Variants in TOX2 observed in about 807,000 individuals in gnomAD.
TOX2 encodes TOX high mobility group box family member 2, also known as granulosa cell HMG box 1.
Under a neutral mutation model 47.4 loss-of-function variants are expected in TOX2, and 15 were observed. That is an observed-to-expected ratio of 0.32 (90% CI 0.21 to 0.49). TOX2 has a LOEUF of 0.49. Ranked by LOEUF, TOX2 falls within the 20% of genes least tolerant of loss-of-function variation. TOX2 has a pLI of 0.99. For synonymous variants in TOX2, 290 were observed against 296.6 expected (o/e 0.98, Z 0.23); for missense variants, 622 against 673.1 (o/e 0.92, Z 0.84).
chr20:43,939,352 G>A (rs2069371984), intron 1 of TOX2, among the ~76,000 whole-genome samples: 1 of 152,198 alleles, frequency 6.6e-6, no homozygotes, highest in Admixed American at 6.5e-5. Context: ...ATTGGGACTG[G>A]AGGAGTTGAG....
chr20:43,966,791 C>T (rs888332777), intron 1 of TOX2, among the ~76,000 whole-genome samples: 9 of 151,730 alleles, frequency 5.9e-5, no homozygotes, highest in Admixed American at 3.3e-4. Context: ...TGGAGGCTCC[C>T]ACTATGCTGA....
At chr20:44,026,012 GTCCT>G (rs2071055895) in intron 3 of TOX2, among the ~76,000 whole-genome samples, 1 of 151,880 alleles carries the variant, frequency 6.6e-6, no homozygotes, top group Admixed American at 6.6e-5. Flanking sequence ...TGGCCATGGA[GTCCT>G]GGGTAGGGGG....
chr20:43,924,189 C>T (rs958123431), intron 1 of TOX2, among the ~76,000 whole-genome samples: 52 of 152,236 alleles, frequency 3.4e-4, no homozygotes, highest in African/African-American at 1.1e-3. Flanking sequence ...GGGAGATTTC[C>T]CAGGAAATCA....
chr20:44,023,254 C>A (rs2071003164), intron 3 of TOX2, among the ~76,000 whole-genome samples: 1 of 151,846 alleles, frequency 6.6e-6, no homozygotes, highest in South Asian at 2.1e-4. Flanking sequence ...CATGGTGAAA[C>A]CCTGCCTCTA....
At chr20:44,034,981 A>G (rs1238963896) in intron 3 of TOX2, among the ~76,000 whole-genome samples, 1 of 152,022 alleles carries the variant, frequency 6.6e-6, no homozygotes, top group Non-Finnish European at 1.5e-5. Flanking sequence ...CCTTATCACC[A>G]TTTCATCCCA....
chr20:44,016,518 T>A (rs1414412304), intron 3 of TOX2, among the ~76,000 whole-genome samples: 1 of 152,106 alleles, frequency 6.6e-6, no homozygotes, highest in Non-Finnish European at 1.5e-5. Flanking sequence ...GTGGGATGAT[T>A]CTCTGTTATT....
At chr20:43,994,459 C>CACAA (rs769159573) in intron 2 of TOX2, among the ~76,000 whole-genome samples, 7 of 127,998 alleles carry the variant, frequency 5.5e-5, no homozygotes, top group African/African-American at 5.8e-5. Context: ...ACCCTGTCTC[C>CACAA]AAAAAAAAAA....
At chr20:44,046,976 A>G (rs1228081511) in intron 3 of TOX2, among the ~76,000 whole-genome samples, 3 of 152,246 alleles carry the variant, frequency 2.0e-5, no homozygotes, top group African/African-American at 7.2e-5. Flanking sequence ...TACTTTCCAA[A>G]AAGATAAAAT....
intron 3 of TOX2, among the ~76,000 whole-genome samples, chr20:44,038,795 C>T (rs73120161): frequency 2.0e-5 from 3 of 152,306 alleles, no homozygotes; most frequent in Non-Finnish European, 4.4e-5. Flanking sequence ...TCTCTCCTCA[C>T]TGTGTGGGGT....
intron 3 of TOX2, among the ~76,000 whole-genome samples, chr20:44,013,204 G>A (rs1034545598): frequency 1.4e-4 from 21 of 152,108 alleles, no homozygotes; most frequent in African/African-American, 4.8e-4. Context: ...TTGATCCTGG[G>A]GGCAAGGGCC....
At chr20:43,984,439 A>G (rs2070228788) in intron 2 of TOX2, among the ~76,000 whole-genome samples, 1 of 152,222 alleles carries the variant, frequency 6.6e-6, no homozygotes, top group South Asian at 2.1e-4. Flanking sequence ...CATCAACCCT[A>G]AACACATACT....
chr20:43,981,858 T>A (rs1007798162), intron 2 of TOX2, among the ~76,000 whole-genome samples: 1 of 151,734 alleles, frequency 6.6e-6, no homozygotes, highest in Non-Finnish European at 1.5e-5. Flanking sequence ...ATAGACAACT[T>A]GTGTGAGAAA....
Position 44,067,246 on chromosome 20 carries a change from G to A in TOX2, c.1484+389G>A, listed in dbSNP as rs558887800. Among the ~76,000 whole-genome samples, 227 of 152,258 alleles carry A rather than the reference G, an allele frequency of 1.5e-3. 8 individuals are homozygous for A. The South Asian group carries it at 0.045, about 30-fold the overall frequency. ...ACTGGGGAAAGCTTGCAGGAGAAGGGGGTGAGGGAGGCAGGACAGGGTGGG... is the reference window on the plus strand; with the variant it reads ...ACTGGGGAAAGCTTGCAGGAGAAGGAGGTGAGGGAGGCAGGACAGGGTGGG... On this transcript the variant is annotated intron_variant, in intron 8 of 8. Coordinates refer to ENST00000341197, the MANE Select transcript of TOX2 (RefSeq NM_001098797.2).
intron 1 of TOX2, among the ~76,000 whole-genome samples, chr20:43,956,792 T>G (rs982225487): frequency 4.6e-5 from 7 of 152,186 alleles, no homozygotes; most frequent in Non-Finnish European, 8.8e-5. Context: ...TGCAGTAAGT[T>G]TATTTTATGT....
intron 2 of TOX2, among the ~76,000 whole-genome samples, chr20:44,004,279 G>T (rs1462061794): frequency 1.3e-5 from 2 of 152,192 alleles, no homozygotes; most frequent in Non-Finnish European, 2.9e-5. Context: ...AGTGACCAAG[G>T]CTGGAGGGGT....
chr20:44,026,730 T>G (rs1047858436), intron 3 of TOX2, among the ~76,000 whole-genome samples: 1 of 152,086 alleles, frequency 6.6e-6, no homozygotes, highest in African/African-American at 2.4e-5. Context: ...TGTGGTAAAT[T>G]AGGCGGTAGG....
At chr20:44,053,016 T>C (rs572192377) in intron 4 of TOX2, among the ~76,000 whole-genome samples, 104 of 152,352 alleles carry the variant, frequency 6.8e-4, no homozygotes, top group Non-Finnish European at 3.8e-4. Context: ...TGATCATGCC[T>C]ACTGGCCCAT....
intron 1 of TOX2, among the ~76,000 whole-genome samples, chr20:43,961,742 G>A (rs2145430085): frequency 6.6e-6 from 1 of 152,196 alleles, no homozygotes; most frequent in African/African-American, 2.4e-5. Context: ...AGGTCCATGG[G>A]CCTGGCTTCG....
intron 1 of TOX2, among the ~76,000 whole-genome samples, chr20:43,924,826 G>A (rs892967742): frequency 5.3e-5 from 8 of 152,196 alleles, no homozygotes; most frequent in African/African-American, 1.9e-4. Context: ...TATTTTAGAA[G>A]AGGAAAGACA....
Sources: gnomAD v4.1 joint callset for allele counts (sites outside exome capture counted in the v4.1 genomes callset) on GRCh38, gnomAD v4.1.1 for gene constraint, MANE v1.5 for transcripts, NCBI Gene and HGNC (gene_info 2026-07-23, HGNC 2026-07-21) for gene names.